Variants in USH2A observed in about 807,000 individuals in gnomAD.
USH2A encodes the protein usherin.
Under a neutral mutation model 538.9 loss-of-function variants are expected in USH2A, and 443 were observed. The ratio of observed to expected loss-of-function variants is 0.82; its 90% CI spans 0.76 to 0.89. The LOEUF (loss-of-function observed/expected upper bound fraction) is 0.89, where lower values mean the gene tolerates loss of function less well. Among genes scored for constraint, USH2A ranks in the 40% least tolerant of loss-of-function variants. The pLI is 0.00. For missense variants in USH2A, 6,633 were observed against 6,324.8 expected, an observed-to-expected ratio of 1.05 and a Z score of -1.65; for synonymous variants, 2,413 against 2,273.5, an observed-to-expected ratio of 1.06 and a Z score of -1.75.
intron 21 of USH2A, among the ~76,000 whole-genome samples, chr1:216,117,586 T>C (rs2033037482): frequency 6.6e-6 from 1 of 152,138 alleles, no homozygotes; most frequent in Admixed American, 6.6e-5. Context: ...TTCAATTCAA[T>C]AGAAGTAAAA....
In USH2A at chr1:216,110,799, A is replaced by C. The variant is rs148262940; in HGVS notation, c.4628-13586T>G. Among the ~76,000 whole-genome samples the C allele has an allele frequency of 1.3e-3, 194 of 152,344 alleles. 2 individuals carry two copies. In the East Asian group the frequency reaches 0.022, roughly 17 times the overall value. ...CTGAATTAAAATTCAGTGTGTGCAC[A>C]AAGAAGTGAAGGGCATTACAGGGCA... On this transcript the variant is annotated intron_variant, in intron 21 of 71. Transcript: ENST00000307340.
chr1:216,045,064 G>A (rs1438677382), intron 32 of USH2A, among the ~76,000 whole-genome samples: 1 of 152,128 alleles, frequency 6.6e-6, no homozygotes, highest in Non-Finnish European at 1.5e-5. Context: ...AAGAGGGACA[G>A]TATCTGGCCA....
At chr1:215,722,349 G>C (rs1388234655) in intron 61 of USH2A, among the ~76,000 whole-genome samples, 1 of 152,068 alleles carries the variant, frequency 6.6e-6, no homozygotes, top group Non-Finnish European at 1.5e-5. Context: ...GGGAGAAAAG[G>C]CTAAGAATCA....
At chr1:216,323,034 A>G (rs2102652206) in intron 8 of USH2A, among the ~76,000 whole-genome samples, 1 of 152,138 alleles carries the variant, frequency 6.6e-6, no homozygotes, top group Admixed American at 6.6e-5. Context: ...TGCACTATGA[A>G]CTCAGGTAGA....
intron 32 of USH2A, among the ~76,000 whole-genome samples, chr1:216,024,131 C>G (rs1459188462): frequency 1.3e-5 from 2 of 151,992 alleles, no homozygotes; most frequent in South Asian, 4.1e-4. Context: ...GGCAGGCAAA[C>G]TTTAAATAAT....
chr1:216,372,166 A>G (rs969824206), intron 3 of USH2A, among the ~76,000 whole-genome samples: 1 of 152,176 alleles, frequency 6.6e-6, no homozygotes, highest in African/African-American at 2.4e-5. Context: ...TGTTTTGACT[A>G]TGTTAAAGGT....
intron 3 of USH2A, among the ~76,000 whole-genome samples, chr1:216,408,821 A>G (rs1452158423): frequency 6.6e-6 from 1 of 152,182 alleles, no homozygotes; most frequent in Non-Finnish European, 1.5e-5. Flanking sequence ...CTACTATGTG[A>G]CTGAAGGGCT....
At chr1:216,314,747 T>C (rs2037477208) in intron 9 of USH2A, among the ~76,000 whole-genome samples, 1 of 152,138 alleles carries the variant, frequency 6.6e-6, no homozygotes, top group African/African-American at 2.4e-5. Context: ...ATACTGATAG[T>C]TTGATTGTAG....
intron 21 of USH2A, among the ~76,000 whole-genome samples, chr1:216,135,124 G>A (rs187657839): frequency 4.8e-4 from 63 of 130,134 alleles, no homozygotes; most frequent in Non-Finnish European, 4.1e-4. Context: ...TATCTGTCTT[G>A]GAGCCTGAAA....
intron 64 of USH2A, among the ~76,000 whole-genome samples, chr1:215,663,452 T>G (rs1239172517): frequency 1.3e-5 from 2 of 152,222 alleles, no homozygotes; most frequent in Non-Finnish European, 2.9e-5. Context: ...GGTGTGAGCA[T>G]CCAATGTGAA....
rs756423843 is a variant in USH2A at position 216,175,292 on chromosome 1, T to C, written c.4587A>G (p.Lys1529=). 6.2e-7 allele frequency: 1 copy of C among 1,613,702 alleles called. No homozygotes were observed. Among genetic ancestry groups the C allele is most frequent in the Non-Finnish European group, 8.5e-7 (1 of 1,179,844 alleles). The part of the protein sequence containing the change: ...GIRFIGNGYC[K]FPSSTHPVNT... ...TGACTGGGTGAGTGGAGCTGGGAAA[T>C]TTACAATACCCATTTCCTATGAAAC... is the stretch of plus-strand genomic sequence containing the variant. The change falls in exon 21 of 72, where the codon AAA becomes AAG. Residue 1529 remains lysine, a synonymous_variant. Transcript: ENST00000307340.
chr1:215,918,607 C>A (rs867936874), intron 38 of USH2A, among the ~76,000 whole-genome samples: 1 of 152,094 alleles, frequency 6.6e-6, no homozygotes, highest in African/African-American at 2.4e-5. Flanking sequence ...CCTAAACGGA[C>A]AAGACAGCAT....
In USH2A at chr1:216,071,610, T is replaced by C. The variant is rs546017586; in HGVS notation, c.5857+1279A>G. On this transcript the variant is annotated intron_variant, in intron 29 of 71. Transcript: ENST00000307340. ...ATGGCATAGGGCTGTGGTCAGATCA[T>C]TGCTATAAATTCAGAGCTCTATTTG... 2.2e-3 allele frequency among the ~76,000 whole-genome samples: 328 copies of C among 152,326 alleles called. 1 individual carries two copies. Among genetic ancestry groups the C allele is most frequent in the Non-Finnish European group, 4.1e-3 (276 of 68,024 alleles).
intron 21 of USH2A, among the ~76,000 whole-genome samples, chr1:216,153,526 G>A (rs1305648559): frequency 6.6e-6 from 1 of 152,194 alleles, no homozygotes; most frequent in Non-Finnish European, 1.5e-5. Flanking sequence ...GAGATCCAGT[G>A]TTAGTAGATG....
rs2102625079 is a variant in USH2A at position 215,628,823 on chromosome 1, G to A, written c.15510C>T (p.Asn5170=). The A allele has an allele frequency of 6.2e-7, 1 of 1,614,182 alleles. No homozygotes were observed. The part of the protein sequence containing the change: ...NSLWEAIMGH[N]SGLYVDEEDL... ...GAGGAAACCAACTCACCAGTCCACT[G>A]TTGTGGCCCATGATGGCTTCCCACA... is the stretch of plus-strand genomic sequence containing the variant. The change falls in exon 71 of 72, where the codon AAC becomes AAT. Residue 5170 remains asparagine (N), a synonymous_variant. Transcript: ENST00000307340.
intron 41 of USH2A, among the ~76,000 whole-genome samples, chr1:215,884,176 G>A (rs1352599149): frequency 1.3e-5 from 2 of 152,158 alleles, no homozygotes; most frequent in South Asian, 2.1e-4. Flanking sequence ...CATGGCACAT[G>A]TATACCTATG....
At chr1:216,168,475 G>A (rs1200720716) in intron 21 of USH2A, among the ~76,000 whole-genome samples, 2 of 152,074 alleles carry the variant, frequency 1.3e-5, no homozygotes, top group Non-Finnish European at 2.9e-5. Flanking sequence ...ACTCTAATAT[G>A]TCCTTGTTCA....
At chr1:216,374,298 A>AC (rs2038774899) in intron 3 of USH2A, among the ~76,000 whole-genome samples, 1 of 151,790 alleles carries the variant, frequency 6.6e-6, no homozygotes, top group South Asian at 2.1e-4. Flanking sequence ...CAAAAAAAAA[A>AC]AGAGTTCTTC....
chr1:216,064,932 T>G (rs947423315), intron 30 of USH2A, among the ~76,000 whole-genome samples: 4 of 152,126 alleles, frequency 2.6e-5, no homozygotes, highest in Non-Finnish European at 5.9e-5. Context: ...CAATGAGACT[T>G]TGAAGGTTAA....
Sources: allele counts gnomAD v4.1 joint callset (sites outside exome capture counted in the v4.1 genomes callset), GRCh38; gene constraint gnomAD v4.1.1; transcripts MANE v1.5; gene names NCBI Gene and HGNC (gene_info 2026-07-23, HGNC 2026-07-21).